The following DGKI variants were observed in gnomAD, a reference collection of about 807,000 sequenced individuals.
The protein encoded by DGKI is diacylglycerol kinase iota.
Under a neutral mutation model 147.5 loss-of-function variants are expected in DGKI, and 55 were observed. The ratio of observed to expected loss-of-function variants is 0.37; its 90% CI spans 0.30 to 0.47. The LOEUF is 0.47. Ranked by LOEUF, DGKI falls within the 20% of genes least tolerant of loss-of-function variation. The pLI is 1.00. For synonymous variants in DGKI, 469 were observed against 477.1 expected, an observed-to-expected ratio of 0.98 and a Z score of 0.22; for missense variants, 1,007 against 1,323.8, an observed-to-expected ratio of 0.76 and a Z score of 3.71.
intron 1 of DGKI, among the ~76,000 whole-genome samples, chr7:137,839,641 C>G (rs1006981990): frequency 2.0e-5 from 3 of 152,184 alleles, no homozygotes; most frequent in Non-Finnish European, 4.4e-5. Context: ...ACCCAGGTAG[C>G]AGGGCTCTTC....
At chr7:137,834,401 G>A (rs144613331) in intron 1 of DGKI, among the ~76,000 whole-genome samples, 15 of 152,254 alleles carry the variant, frequency 9.9e-5, no homozygotes, top group Admixed American at 5.9e-4. Context: ...TTAATTGTTC[G>A]AGAGATGCTA....
chr7:137,655,614 T>C (rs984558983), intron 4 of DGKI, among the ~76,000 whole-genome samples: 2 of 152,212 alleles, frequency 1.3e-5, no homozygotes, highest in Non-Finnish European at 2.9e-5. Flanking sequence ...AGCAAAAGAA[T>C]GAAGGCAGAG....
At chr7:137,673,829 G>A (rs945674928) in intron 3 of DGKI, among the ~76,000 whole-genome samples, 2 of 152,130 alleles carry the variant, frequency 1.3e-5, no homozygotes, top group Non-Finnish European at 2.9e-5. Context: ...AGCTCCTTTA[G>A]GTACAAATAT....
intron 28 of DGKI, among the ~76,000 whole-genome samples, chr7:137,441,663 A>G (rs908250066): frequency 6.6e-6 from 1 of 152,184 alleles, no homozygotes; most frequent in Admixed American, 6.5e-5. Context: ...TTCCAAGAAT[A>G]AGTTCTTGTC....
chr7:137,603,467 A>T (rs1327798992), intron 10 of DGKI, among the ~76,000 whole-genome samples: 1 of 152,262 alleles, frequency 6.6e-6, no homozygotes, highest in African/African-American at 2.4e-5. Context: ...AAACTGCTTC[A>T]AACAATCCAA....
At chr7:137,419,780 G>A (rs1399615824) in intron 28 of DGKI, among the ~76,000 whole-genome samples, 1 of 152,106 alleles carries the variant, frequency 6.6e-6, no homozygotes, top group Non-Finnish European at 1.5e-5. Flanking sequence ...AGGCCTAGAG[G>A]ACTTTTTCAC....
chr7:137,698,209 C>A (rs553186490), intron 1 of DGKI, among the ~76,000 whole-genome samples: 1 of 151,506 alleles, frequency 6.6e-6, no homozygotes, highest in East Asian at 1.9e-4. Context: ...CTGGAAAATA[C>A]CTTGAAATAA....
chr7:137,420,608 A>G (rs1183198616), intron 28 of DGKI, among the ~76,000 whole-genome samples: 1 of 152,044 alleles, frequency 6.6e-6, no homozygotes, highest in Admixed American at 6.6e-5. Context: ...TTCTGGAGGA[A>G]CAGATTTTTG....
At chr7:137,412,415 G>A (rs1241593486) in intron 28 of DGKI, among the ~76,000 whole-genome samples, 1 of 152,082 alleles carries the variant, frequency 6.6e-6, no homozygotes, top group African/African-American at 2.4e-5. Flanking sequence ...GGGCCCATGC[G>A]TGCCCCCTCC....
In DGKI at chr7:137,390,157, A is replaced by G. The variant is rs1811307743; in HGVS notation, c.*1063T>C. 1 of 151,974 alleles carries G rather than the reference A, an allele frequency of 6.6e-6. No homozygotes were observed. The highest frequency in any genetic ancestry group is 1.5e-5 in the Non-Finnish European group (1 of 67,970). 9.4% of individuals were successfully genotyped at this position (151,974 alleles called of 1,614,324 possible). Reference sequence around the variant, plus strand: ...TCCTATTTCAGTGACATATGTTGACATATGTTGCTACTTTTGCTTTTGCTG... The same window carrying G: ...TCCTATTTCAGTGACATATGTTGACGTATGTTGCTACTTTTGCTTTTGCTG... On this transcript the variant is annotated 3_prime_UTR_variant, in exon 33 of 33. Coordinates refer to ENST00000614521, the MANE Select transcript of DGKI (RefSeq NM_001321708.2).
chr7:137,654,679 G>A (rs993640326), intron 5 of DGKI, 53 bp downstream of exon 5: 52 of 1,245,984 alleles, frequency 4.2e-5, no homozygotes, highest in Non-Finnish European at 5.4e-5. Flanking sequence ...TGAATCCACT[G>A]AATCAATGAG....
chr7:137,425,916 C>T (rs1319097565), intron 28 of DGKI, among the ~76,000 whole-genome samples: 1 of 152,110 alleles, frequency 6.6e-6, no homozygotes, highest in Admixed American at 6.6e-5. Flanking sequence ...ACCAAATCTA[C>T]GTCTGATTGG....
intron 1 of DGKI, among the ~76,000 whole-genome samples, chr7:137,824,525 AAAAAG>A (rs367882822): frequency 3.9e-4 from 17 of 43,934 alleles, no homozygotes; most frequent in African/African-American, 9.5e-4. Flanking sequence ...CAAAAAAAAA[AAAAAG>A]AAAAAGAAAA....
At chr7:137,628,843 G>A (rs1229973736) in intron 6 of DGKI, among the ~76,000 whole-genome samples, 1 of 152,052 alleles carries the variant, frequency 6.6e-6, no homozygotes, top group African/African-American at 2.4e-5. Context: ...CTGTCATCTA[G>A]GGCAGGTACC....
intron 30 of DGKI, among the ~76,000 whole-genome samples, chr7:137,402,072 A>G (rs1268368673): frequency 6.6e-6 from 1 of 152,218 alleles, no homozygotes; most frequent in Admixed American, 6.5e-5. Context: ...TCAAACGGAG[A>G]TGAGAGCTTA....
At chr7:137,482,260 G>A (rs374320499) in intron 23 of DGKI, among the ~76,000 whole-genome samples, 2 of 151,730 alleles carry the variant, frequency 1.3e-5, no homozygotes, top group East Asian at 2.0e-4. Context: ...CTTGGCTTTC[G>A]TGATACCACC....
At position 137,691,800 on chromosome 7, in the gene DGKI, T is replaced by G. The variant is rs1465920502; in HGVS notation, c.402-1798A>C. 4.3e-5 allele frequency among the ~76,000 whole-genome samples: 5 copies of G among 116,576 alleles called. No individual in the cohort carries two copies. The East Asian group carries it at 1.1e-3, about 27-fold the overall frequency. The allele number at this position is 116,576 out of a possible 152,430, so 76.5% of individuals were successfully genotyped here. A position where few individuals can be genotyped will look rare whatever the true frequency, so the allele number is the denominator to read the frequency against. On this transcript the variant is annotated intron_variant, in intron 1 of 32. Coordinates refer to ENST00000614521, the MANE Select transcript of DGKI (RefSeq NM_001321708.2). ...TCAGCAAGTGTCTAGACCTTTGGGTTTTTTTTTTTTTTTTTTTTTTTAAGC... is the reference window on the plus strand; with the variant it reads ...TCAGCAAGTGTCTAGACCTTTGGGTGTTTTTTTTTTTTTTTTTTTTTAAGC...
At chr7:137,467,134 A>G (rs1019345370) in intron 24 of DGKI, among the ~76,000 whole-genome samples, 192 bp from the exon 25 acceptor site, 4 of 152,216 alleles carry the variant, frequency 2.6e-5, no homozygotes, top group Non-Finnish European at 5.9e-5. Context: ...AGGCTTGGAA[A>G]GCCCTTCCCT....
chr7:137,842,135 C>G (rs1798561774), intron 1 of DGKI, among the ~76,000 whole-genome samples: 1 of 152,084 alleles, frequency 6.6e-6, no homozygotes, highest in Non-Finnish European at 1.5e-5. Flanking sequence ...AACAGATGTG[C>G]AAAACACGGA....
Sources: allele counts gnomAD v4.1 joint callset (sites outside exome capture counted in the v4.1 genomes callset), GRCh38; gene constraint gnomAD v4.1.1; transcripts MANE v1.5; gene names NCBI Gene and HGNC (gene_info 2026-07-23, HGNC 2026-07-21).